Variants in CCNL2 observed in about 807,000 individuals in gnomAD.
CCNL2 encodes the protein cyclin-L2.
In CCNL2, 28 loss-of-function variants were observed where a neutral mutation model predicts 59.1. That is an observed-to-expected ratio of 0.47 (90% CI 0.35 to 0.65). CCNL2 has a LOEUF of 0.65. CCNL2 is among the 30% of genes least tolerant of loss of function. The probability of loss-of-function intolerance (pLI) is 0.00; values close to 1 mark genes in which losing one functional copy is unlikely to be tolerated. For missense variants in CCNL2, 714 were observed against 717.4 expected (o/e 1.00, Z 0.05); for synonymous variants, 342 against 288.6 (o/e 1.19, Z -1.88).
intron 3 of CCNL2, among the ~76,000 whole-genome samples, chr1:1,396,506 T>C (rs1402469018): frequency 6.8e-6 from 1 of 147,126 alleles, no homozygotes; most frequent in Non-Finnish European, 1.5e-5. Context: ...CCTCAGATGA[T>C]CCACCCGCCT....
At chr1:1,393,124 A>G in intron 5 of CCNL2, 1 of 583,916 alleles carries the variant, frequency 1.7e-6, no homozygotes. Flanking sequence ...CGCCAAGTCA[A>G]CAGCTCCCAG....
chr1:1,398,980 G>A, intron 1 of CCNL2, 39 bp downstream of exon 1: 1 of 1,554,758 alleles, frequency 6.4e-7, no homozygotes, highest in Non-Finnish European at 8.7e-7. Flanking sequence ...TGCCGCCCCA[G>A]CGGTTACCTG....
rs559591338 is a variant in CCNL2, at chr1:1,398,220, C to T, written c.473+13G>A. On this transcript the variant is annotated intron_variant, in intron 3 of 10. Transcript: ENST00000400809. Reference sequence around the variant, plus strand: ...GGCATCTATGATAGACTAGACAGCTCTGACTGACTCACTTTTTGTCTCTCA... The same window carrying T: ...GGCATCTATGATAGACTAGACAGCTTTGACTGACTCACTTTTTGTCTCTCA... 3.7e-6 allele frequency: 6 copies of T among 1,612,906 alleles called. No individual in the cohort carries two copies. The Admixed American group carries it at 1.0e-4, about 27-fold the overall frequency.
chr1:1,396,569 CTGT>C (rs1557732552), intron 3 of CCNL2, among the ~76,000 whole-genome samples: 1 of 114,300 alleles, frequency 8.7e-6, no homozygotes, highest in African/African-American at 3.5e-5. Context: ...CTCGGCAAGG[CTGT>C]TTTTTTTTTT....
At chr1:1,388,547 C>G in intron 8 of CCNL2, 1 of 443,426 alleles carries the variant, frequency 2.3e-6, no homozygotes, top group Non-Finnish European at 4.5e-6. Flanking sequence ...AAAAAAACCC[C>G]AAAACATGTG....
chr1:1,392,603 C>T (rs1426771300), intron 5 of CCNL2: 32 of 1,440,440 alleles, frequency 2.2e-5, no homozygotes, highest in Non-Finnish European at 2.7e-5. Context: ...TACCAAAGCA[C>T]GACAGAGGAT....
chr1:1,393,635 T>C (rs1290477226), intron 4 of CCNL2, among the ~76,000 whole-genome samples, 175 bp from the exon 5 acceptor site: 2 of 152,234 alleles, frequency 1.3e-5, no homozygotes, highest in African/African-American at 4.8e-5. Flanking sequence ...ACCTGCTGTC[T>C]GCCTTGGCAG....
At chr1:1,391,479 G>A (rs999218122) in intron 5 of CCNL2, 10 of 1,280,140 alleles carry the variant, frequency 7.8e-6, no homozygotes, top group African/African-American at 6.2e-5. Flanking sequence ...AGTTGGACGC[G>A]TGGGAGCATC....
intron 3 of CCNL2, among the ~76,000 whole-genome samples, chr1:1,396,571 G>GT (rs1175846044): frequency 0.036 from 2,515 of 69,678 alleles, 421 homozygotes; most frequent in African/African-American, 0.063. Context: ...CGGCAAGGCT[G>GT]TTTTTTTTTT....
At chr1:1,389,450 A>AT (rs1302823121) in intron 8 of CCNL2, 2 of 152,254 alleles carry the variant, frequency 1.3e-5, no homozygotes, top group African/African-American at 2.4e-5. Context: ...GCCCCACACT[A>AT]TAACACCTTC....
Position 1,387,277 on chromosome 1 carries a change from C to T in CCNL2, c.1517G>A (p.Arg506His), listed in dbSNP as rs374382413. ...CCCAGGGTGGTCCCGCTCATAGCGACGGCCTGTGCGTTCATACGACCTCGA... is the reference window on the plus strand; with the variant it reads ...CCCAGGGTGGTCCCGCTCATAGCGATGGCCTGTGCGTTCATACGACCTCGA... ...ERSRSYERTG[R>H]RYERDHPGHS... Residue 506 changes from arginine (R) to histidine (H), a missense_variant, in exon 11 of 11, where the codon CGT (arginine) becomes CAT (histidine). Arg to His is a conservative substitution (Grantham distance 29). Transcript: ENST00000400809. 74 of 1,611,994 alleles carry T rather than the reference C, an allele frequency of 4.6e-5. No individual in the cohort carries two copies. In the African/African-American group the frequency reaches 7.7e-4, roughly 17 times the overall value.
chr1:1,398,435 G>T, intron 2 of CCNL2, 93 bp from the exon 3 acceptor site: 1 of 1,587,568 alleles, frequency 6.3e-7, no homozygotes, highest in Non-Finnish European at 8.6e-7. Flanking sequence ...AGACCAAAAG[G>T]GAGGTGCACC....
At chr1:1,392,203 G>A (rs967526824) in intron 5 of CCNL2, 32 of 515,194 alleles carry the variant, frequency 6.2e-5, no homozygotes, top group African/African-American at 1.0e-4. Flanking sequence ...GTAACCTTTC[G>A]GTGTCTAATC....
intron 3 of CCNL2, among the ~76,000 whole-genome samples, chr1:1,396,370 A>G (rs918018375): frequency 4.7e-5 from 7 of 149,256 alleles, no homozygotes; most frequent in African/African-American, 1.5e-4. Context: ...AGGTTCAAGC[A>G]ATTCTCCTGC....
intron 8 of CCNL2, 146 bp downstream of exon 8, chr1:1,390,084 C>T: frequency 2.7e-6 from 2 of 746,086 alleles, no homozygotes; most frequent in Non-Finnish European, 4.3e-6. Context: ...CACCACCATA[C>T]TCCAGCCTGG....
chr1:1,398,200 C>G (rs368614969), intron 3 of CCNL2, 33 bp downstream of exon 3: 28 of 1,600,528 alleles, frequency 1.7e-5, no homozygotes, highest in African/African-American at 2.7e-5. Context: ...AAATAGGCAT[C>G]TATGATAGAC....
rs1319766998 is a variant in CCNL2 at position 1,387,555 on chromosome 1, A to G, written c.1239T>C (p.Gly413=). The G allele has an allele frequency of 6.6e-7, 1 of 1,512,920 alleles. No individual in the cohort carries two copies. The highest frequency in any genetic ancestry group is 1.3e-5 in the South Asian group (1 of 76,146). The allele number at this position is 1,512,920 out of a possible 1,614,324, so 93.7% of individuals were successfully genotyped here. ...RRKSDSGSTS[G]GSKSQSRSRS... Reference sequence around the variant, plus strand: ...GGGAGCGGCTCTGCGACTTGGACCCACCAGATGTGGAGCCGCTGTCACTTT... The same window carrying G: ...GGGAGCGGCTCTGCGACTTGGACCCGCCAGATGTGGAGCCGCTGTCACTTT... Residue 413 remains glycine, a synonymous_variant, in exon 11 of 11, where the codon GGT becomes GGC. Transcript: ENST00000400809.
chr1:1,391,057 G>C, intron 5 of CCNL2, 192 bp from the exon 6 acceptor site: 1 of 994,782 alleles, frequency 1.0e-6, no homozygotes, highest in Non-Finnish European at 1.4e-6. Context: ...TCTAAATACA[G>C]TAAATACAGG....
In CCNL2 at chr1:1,398,578, G is replaced by A. The variant is rs747459576; in HGVS notation, c.363+19C>T. On this transcript the variant is annotated intron_variant, in intron 2 of 10. Coordinates refer to ENST00000400809, the MANE Select transcript of CCNL2 (RefSeq NM_030937.6). Reference sequence around the variant, plus strand: ...CTCAACATACTTCGCTGGGAATGAAGTGCAGGAGGAAGCCTTACCTCCATG... The same window carrying A: ...CTCAACATACTTCGCTGGGAATGAAATGCAGGAGGAAGCCTTACCTCCATG... 20 of 1,611,214 alleles carry A rather than the reference G, an allele frequency of 1.2e-5. No individual in the cohort carries two copies. In the East Asian group the frequency reaches 1.6e-4, roughly 13 times the overall value.
Sources: gnomAD v4.1 joint callset for allele counts (sites outside exome capture counted in the v4.1 genomes callset) on GRCh38, gnomAD v4.1.1 for gene constraint, MANE v1.5 for transcripts, NCBI Gene and HGNC (gene_info 2026-07-23, HGNC 2026-07-21) for gene names.